CHD9: variants seen among roughly 807,000 people sequenced by gnomAD.
CHD9 encodes the protein ATP-dependent chromatin remodeler CHD9.
A neutral mutation model predicts 316.1 loss-of-function variants in CHD9; 77 were observed. The observed-to-expected ratio is 0.24, with a 90% CI of 0.20 to 0.29. The LOEUF is 0.29. Among genes scored for constraint, CHD9 ranks in the 10% least tolerant of loss-of-function variants. The pLI is 1.00. For synonymous variants in CHD9, 1,129 were observed against 1,158.3 expected (o/e 0.97, Z 0.51); for missense variants, 2,763 against 3,438.1 (o/e 0.80, Z 4.91).
rs766215011 is a variant in CHD9, at chr16:53,249,981, G to A, written c.3776G>A (p.Arg1259Gln). 3 of 1,613,698 alleles carry A rather than the reference G, an allele frequency of 1.9e-6. No homozygotes were observed. The highest frequency in any genetic ancestry group is 2.2e-5 in the East Asian group (1 of 44,822). The change falls in exon 17 of 39, where the codon CGA becomes CAA. Residue 1259 changes from arginine to glutamine, a missense_variant. By Grantham distance (43) the Arg-to-Gln change is conservative (BLOSUM62 1). Around this residue, in one of 15 missense-constraint regions of CHD9, gnomAD observed 11 missense variants for 44.2 expected, o/e 0.25. Coordinates refer to ENST00000447540, the MANE Select transcript of CHD9 (RefSeq NM_001308319.2). ...AGATTTGTTTTTCTCCTGTGTACCCGAGCTGGTGGGTTGGGCATCAACTTA... is the reference window on the plus strand; with the variant it reads ...AGATTTGTTTTTCTCCTGTGTACCCAAGCTGGTGGGTTGGGCATCAACTTA... ...SDRFVFLLCT[R>Q]AGGLGINLTA...
chr16:53,247,685 T>TG, intron 16 of CHD9, 182 bp downstream of exon 16: 1 of 566,012 alleles, frequency 1.8e-6, no homozygotes, highest in East Asian at 3.0e-5. Flanking sequence ...CTGCATATGT[T>TG]GCAATATTAG....
Position 53,267,380 on chromosome 16 carries a change from A to T in CHD9, c.4407A>T (p.Glu1469Asp). The change falls in exon 21 of 39, where the codon GAA becomes GAT. Residue 1469 changes from glutamate to aspartate, a missense_variant. By Grantham distance (45) the Glu-to-Asp change is conservative. This residue lies in a region of CHD9 where 199 missense variants were observed against 251.7 expected (regional missense o/e 0.79). Transcript: ENST00000447540. ...AAGATGAATTGGCTGAATTATCTGA[A>T]GCTGAAAGTGAAGGAGATGAAAAGC... ...ATKDELAELS[E>D]AESEGDEKPK... 6.2e-7 allele frequency: 1 copy of T among 1,613,128 alleles called. No individual in the cohort carries two copies. The highest frequency in any genetic ancestry group is 8.5e-7 in the Non-Finnish European group (1 of 1,179,396).
chr16:53,285,717 T>C lies in CHD9; in HGVS notation c.5071+18T>C. ...TAAACATGGTAAGTAAGAAGTAAGG[T>C]AGGTGAGATCCCCTTCTATGTATAA... On this transcript the variant is annotated intron_variant, in intron 25 of 38. Transcript: ENST00000447540. 7.1e-7 allele frequency: 1 copy of C among 1,411,328 alleles called. No homozygotes were observed. The highest frequency in any genetic ancestry group is 1.0e-6 in the Non-Finnish European group (1 of 1,004,608). The allele number at this position is 1,411,328 out of a possible 1,614,324, so 87.4% of individuals were successfully genotyped here.
intron 1 of CHD9, among the ~76,000 whole-genome samples, chr16:53,133,640 A>G (rs1220134887): frequency 2.6e-5 from 4 of 152,162 alleles, no homozygotes; most frequent in Non-Finnish European, 5.9e-5. Context: ...TAAGTACCCT[A>G]TGAGGTCTAT....
intron 1 of CHD9, among the ~76,000 whole-genome samples, chr16:53,070,532 C>CCTTCCTCT (rs1367427732): frequency 4.9e-5 from 1 of 20,482 alleles, no homozygotes; most frequent in Non-Finnish European, 1.3e-4. Context: ...TTCCTTCCTT[C>CCTTCCTCT]CTCTCTCTCT....
At chr16:53,075,478 G>A (rs1304619620) in intron 1 of CHD9, among the ~76,000 whole-genome samples, 1 of 152,150 alleles carries the variant, frequency 6.6e-6, no homozygotes, top group East Asian at 1.9e-4. Context: ...ATTTCATCTT[G>A]AATTGTACTC....
intron 1 of CHD9, among the ~76,000 whole-genome samples, chr16:53,144,338 G>A (rs7186520): frequency 0.31 from 46,652 of 151,846 alleles, 7,323 homozygotes; most frequent in Middle Eastern, 0.36. Flanking sequence ...AAACAGGGCC[G>A]GAGTTGAATA....
intron 2 of CHD9, among the ~76,000 whole-genome samples, chr16:53,185,621 G>A (rs923391683): frequency 5.3e-5 from 8 of 152,318 alleles, no homozygotes; most frequent in Middle Eastern, 3.4e-3. Context: ...TGTCTCCAAG[G>A]CATGTCAGAG....
intron 1 of CHD9, among the ~76,000 whole-genome samples, chr16:53,100,315 TGAG>T (rs1162087901): frequency 3.3e-5 from 5 of 152,106 alleles, no homozygotes; most frequent in Non-Finnish European, 2.9e-5. Context: ...CCTCTGAATG[TGAG>T]GAGAATAGGG....
chr16:53,090,397 A>G (rs1367990141), intron 1 of CHD9, among the ~76,000 whole-genome samples: 1 of 152,218 alleles, frequency 6.6e-6, no homozygotes, highest in Non-Finnish European at 1.5e-5. Context: ...GTGAAGATAA[A>G]GAGGGGTGTT....
chr16:53,123,463 T>C (rs558826678), intron 1 of CHD9, among the ~76,000 whole-genome samples: 10 of 152,078 alleles, frequency 6.6e-5, no homozygotes, highest in Non-Finnish European at 1.5e-4. Context: ...AAGCCTTTTG[T>C]ATCTGGCTTT....
chr16:53,093,845 T>C (rs2036157213), intron 1 of CHD9, among the ~76,000 whole-genome samples: 1 of 152,068 alleles, frequency 6.6e-6, no homozygotes, highest in African/African-American at 2.4e-5. Flanking sequence ...GTGAGGGGCA[T>C]GGAAGCAGCT....
chr16:53,221,925 GAAA>G (rs2047273355), intron 3 of CHD9, among the ~76,000 whole-genome samples: 1 of 151,900 alleles, frequency 6.6e-6, no homozygotes, highest in Non-Finnish European at 1.5e-5. Flanking sequence ...TCTGTCATTG[GAAA>G]TCTGCAAGAT....
intron 16 of CHD9, among the ~76,000 whole-genome samples, chr16:53,248,809 A>C (rs1311927750): frequency 6.6e-6 from 1 of 152,092 alleles, no homozygotes; most frequent in Non-Finnish European, 1.5e-5. Flanking sequence ...GGCATGAGCC[A>C]CTGCACCTGG....
chr16:53,055,859 G>A (rs1293794115), intron 1 of CHD9, among the ~76,000 whole-genome samples: 1 of 152,174 alleles, frequency 6.6e-6, no homozygotes. Context: ...AGTGTGGAAT[G>A]TGAGCGAAGA....
chr16:53,222,575 A>T, intron 3 of CHD9, 69 bp from the exon 4 acceptor site: 1 of 733,538 alleles, frequency 1.4e-6, no homozygotes. Flanking sequence ...TATCATGACA[A>T]TCTTAATTTA....
intron 22 of CHD9, among the ~76,000 whole-genome samples, chr16:53,271,946 T>C (rs1222825490): frequency 6.6e-6 from 1 of 152,134 alleles, no homozygotes; most frequent in Non-Finnish European, 1.5e-5. Context: ...TACAGAACTA[T>C]TTATCATTCC....
chr16:53,072,000 T>G (rs1369514294), intron 1 of CHD9, among the ~76,000 whole-genome samples: 1 of 152,188 alleles, frequency 6.6e-6, no homozygotes, highest in Admixed American at 6.5e-5. Flanking sequence ...TTCTGGCCTC[T>G]GGGGATACAT....
At chr16:53,285,017 T>C (rs1258183938) in intron 24 of CHD9, among the ~76,000 whole-genome samples, 1 of 152,186 alleles carries the variant, frequency 6.6e-6, no homozygotes, top group Non-Finnish European at 1.5e-5. Context: ...TCTACCCGCC[T>C]CTGCCCCCTA....
Sources: allele counts gnomAD v4.1 joint callset (sites outside exome capture counted in the v4.1 genomes callset), GRCh38; gene constraint gnomAD v4.1.1; regional missense constraint gnomAD v4.1.1; transcripts MANE v1.5; gene names NCBI Gene and HGNC (gene_info 2026-07-23, HGNC 2026-07-21).